The following POU2AF2 variants were observed in gnomAD, a reference collection of about 807,000 sequenced individuals.
The protein encoded by POU2AF2 is POU domain class 2-associating factor 2.
chr11:111,251,834 A>G, the POU2AF2 span, among the ~76,000 whole-genome samples: 1 of 152,270 alleles, frequency 6.6e-6, no homozygotes, highest in Non-Finnish European at 1.5e-5. Context: ...CCTGTGGCAT[A>G]TAGCCCCGTG....
chr11:111,248,849 C>T, the POU2AF2 span, among the ~76,000 whole-genome samples: 1 of 152,064 alleles, frequency 6.6e-6, no homozygotes, highest in Non-Finnish European at 1.5e-5. Flanking sequence ...TTAAAAATCA[C>T]CTGTATTTTA....
At chr11:111,276,454 ATATATATATATATATAT>A in the POU2AF2 span, among the ~76,000 whole-genome samples, 1 of 19,070 alleles carries the variant, frequency 5.2e-5, no homozygotes, top group African/African-American at 1.4e-4. Flanking sequence ...AAAAAAAAAA[ATATATATATATATATAT>A]ATATATATAT....
At chr11:111,250,382 A>C in the POU2AF2 span, among the ~76,000 whole-genome samples, 2 of 152,244 alleles carry the variant, frequency 1.3e-5, no homozygotes, top group Non-Finnish European at 2.9e-5. Flanking sequence ...CAAAAAATTT[A>C]GTGGTTTCCA....
chr11:111,266,031 C>G, the POU2AF2 span, among the ~76,000 whole-genome samples: 2 of 151,966 alleles, frequency 1.3e-5, no homozygotes, highest in Non-Finnish European at 2.9e-5. Context: ...TACTAAATAT[C>G]CAAAAACTCA....
the POU2AF2 span, among the ~76,000 whole-genome samples, chr11:111,252,833 A>T: frequency 5.9e-5 from 9 of 151,830 alleles, no homozygotes; most frequent in African/African-American, 2.2e-4. Context: ...TTATCACTCA[A>T]TCTCTTGTTT....
chr11:111,251,435 A>T, the POU2AF2 span, among the ~76,000 whole-genome samples: 2 of 152,372 alleles, frequency 1.3e-5, no homozygotes, highest in African/African-American at 4.8e-5. Context: ...TCTACTAGAC[A>T]TCCAATCATA....
the POU2AF2 span, among the ~76,000 whole-genome samples, chr11:111,268,527 ATTTTATTTTATT>A: frequency 0.025 from 2,225 of 89,724 alleles, 105 homozygotes; most frequent in African/African-American, 0.073. Flanking sequence ...ATTTTATTTT[ATTTTATTTTATT>A]TTATTTTATT....
the POU2AF2 span, among the ~76,000 whole-genome samples, chr11:111,257,990 T>C: frequency 6.6e-6 from 1 of 152,254 alleles, no homozygotes; most frequent in African/African-American, 2.4e-5. Flanking sequence ...TAGTGGCTCA[T>C]GCCTGTAATG....
the POU2AF2 span, among the ~76,000 whole-genome samples, chr11:111,261,978 C>A: frequency 6.6e-6 from 1 of 152,296 alleles, no homozygotes; most frequent in East Asian, 1.9e-4. Context: ...CAAAAGTGAA[C>A]TATTTCCACA....
the POU2AF2 span, among the ~76,000 whole-genome samples, chr11:111,248,178 C>T: frequency 7.9e-5 from 12 of 152,150 alleles, no homozygotes; most frequent in South Asian, 2.1e-4. Flanking sequence ...ATATAACTAA[C>T]ATATCATCTC....
chr11:111,249,243 G>A, the POU2AF2 span, among the ~76,000 whole-genome samples: 1 of 152,054 alleles, frequency 6.6e-6, no homozygotes, highest in East Asian at 1.9e-4. Context: ...TAGACACAAT[G>A]CACAGGGGAA....
At chr11:111,279,435 C>G in the POU2AF2 span, among the ~76,000 whole-genome samples, 2 of 152,214 alleles carry the variant, frequency 1.3e-5, no homozygotes, top group East Asian at 3.9e-4. Flanking sequence ...ATCAAGGTGT[C>G]AGCAGGGCCA....
chr11:111,275,950 C>T, the POU2AF2 span, among the ~76,000 whole-genome samples: 105 of 152,162 alleles, frequency 6.9e-4, no homozygotes, highest in South Asian at 0.021. Context: ...ATGCCAATCT[C>T]TACCAAAATA....
chr11:111,245,740 A>C, the POU2AF2 span: 1 of 398,368 alleles, frequency 2.5e-6, no homozygotes, highest in East Asian at 3.6e-5. Context: ...AGGCTTTCCC[A>C]CCAGGGTCAG....
At chr11:111,274,243 G>A in the POU2AF2 span, among the ~76,000 whole-genome samples, 1 of 152,120 alleles carries the variant, frequency 6.6e-6, no homozygotes, top group Non-Finnish European at 1.5e-5. Flanking sequence ...CCCTTTAGGA[G>A]TCTTCTAGGG....
chr11:111,264,508 G>GAA, the POU2AF2 span, among the ~76,000 whole-genome samples: 1 of 25,060 alleles, frequency 4.0e-5, no homozygotes, highest in Non-Finnish European at 8.1e-5. Flanking sequence ...AAGAAAGAAA[G>GAA]AAAGAAAGAA....
the POU2AF2 span, among the ~76,000 whole-genome samples, chr11:111,255,132 T>G: frequency 6.6e-6 from 1 of 152,236 alleles, no homozygotes; most frequent in Non-Finnish European, 1.5e-5. Flanking sequence ...TATAGTCTGT[T>G]ATCTCTCTGT....
the POU2AF2 span, chr11:111,285,910 G>T: frequency 6.2e-7 from 1 of 1,613,706 alleles, no homozygotes; most frequent in Non-Finnish European, 8.5e-7. Flanking sequence ...CTTTCATGAC[G>T]GTGTCAAATG....
the POU2AF2 span, among the ~76,000 whole-genome samples, chr11:111,252,710 A>G: frequency 6.6e-6 from 1 of 151,960 alleles, no homozygotes; most frequent in Non-Finnish European, 1.5e-5. Flanking sequence ...CTTCTAAGCC[A>G]TTAGTCTTCC....
Sources: allele counts gnomAD v4.1 joint callset (sites outside exome capture counted in the v4.1 genomes callset), GRCh38; gene constraint gnomAD v4.1.1; transcripts MANE v1.5; gene names NCBI Gene and HGNC (gene_info 2026-07-23, HGNC 2026-07-21).